The following FMN2 variants were observed in gnomAD, a reference collection of about 807,000 sequenced individuals.
FMN2 encodes the protein formin 2.
Under a neutral mutation model 142.3 loss-of-function variants are expected in FMN2, and 51 were observed. The observed-to-expected ratio is 0.36, with a 90% CI of 0.29 to 0.45. The LOEUF (loss-of-function observed/expected upper bound fraction) is 0.45, where lower values mean the gene tolerates loss of function less well. Ranked by LOEUF, FMN2 falls within the 20% of genes least tolerant of loss-of-function variation. The pLI is 1.00. For missense variants in FMN2, 1,936 were observed against 2,122.8 expected, an observed-to-expected ratio of 0.91 and a Z score of 1.73; for synonymous variants, 882 against 869.8, an observed-to-expected ratio of 1.01 and a Z score of -0.25.
intron 4 of FMN2, among the ~76,000 whole-genome samples, chr1:240,200,207 C>A (rs544468116): frequency 6.6e-6 from 1 of 152,250 alleles, no homozygotes; most frequent in African/African-American, 2.4e-5. Context: ...GGAGGGTGGG[C>A]CCCCCAGAGC....
chr1:240,211,981 C>A (rs1408024697), intron 6 of FMN2, among the ~76,000 whole-genome samples: 1 of 152,172 alleles, frequency 6.6e-6, no homozygotes, highest in East Asian at 1.9e-4. Context: ...CCCGTCTTTA[C>A]CCTGAAATGG....
chr1:240,143,131 C>A, intron 2 of FMN2: 2 of 1,566,554 alleles, frequency 1.3e-6, no homozygotes, highest in Middle Eastern at 1.7e-4. Context: ...TCGTTGGGGT[C>A]CTTGGCATGA....
At chr1:240,181,035 C>T (rs998131218) in intron 3 of FMN2, among the ~76,000 whole-genome samples, 6 of 151,476 alleles carry the variant, frequency 4.0e-5, no homozygotes, top group African/African-American at 1.5e-4. Context: ...TTTGGAGTCT[C>T]ACTCTGTCGC....
chr1:240,190,983 T>C (rs982405049), intron 4 of FMN2, among the ~76,000 whole-genome samples: 1 of 152,192 alleles, frequency 6.6e-6, no homozygotes, highest in African/African-American at 2.4e-5. Context: ...GGCAGTTCTG[T>C]ATCTCTAAAT....
At chr1:240,175,935 T>C (rs1416867812) in intron 2 of FMN2, among the ~76,000 whole-genome samples, 2 of 152,228 alleles carry the variant, frequency 1.3e-5, no homozygotes, top group Non-Finnish European at 2.9e-5. Flanking sequence ...AGGAGTTCTT[T>C]CTATATTCAG....
chr1:240,228,339 GAA>G (rs1250761243), intron 6 of FMN2, among the ~76,000 whole-genome samples: 3 of 47,292 alleles, frequency 6.3e-5, no homozygotes, highest in African/African-American at 3.8e-4. Context: ...AAAAGAAAAA[GAA>G]AAAGAAAAAG....
At chr1:240,120,948 A>C (rs370475225) in intron 1 of FMN2, among the ~76,000 whole-genome samples, 1 of 152,200 alleles carries the variant, frequency 6.6e-6, no homozygotes, top group African/African-American at 2.4e-5. Flanking sequence ...ATTTGAGGTC[A>C]GGAGTTCAAG....
intron 2 of FMN2, among the ~76,000 whole-genome samples, chr1:240,133,332 A>G (rs1465097609): frequency 6.6e-6 from 1 of 152,124 alleles, no homozygotes; most frequent in Non-Finnish European, 1.5e-5. Context: ...ATGACCAGCT[A>G]ATTAAAAAAA....
intron 14 of FMN2, among the ~76,000 whole-genome samples, chr1:240,376,201 T>G (rs1673037035): frequency 2.0e-5 from 3 of 152,126 alleles, no homozygotes. Flanking sequence ...TTAAACCTAA[T>G]TGTGTATTTA....
chr1:240,151,028 A>G (rs1242974158), intron 2 of FMN2, among the ~76,000 whole-genome samples: 2 of 152,194 alleles, frequency 1.3e-5, no homozygotes, highest in Non-Finnish European at 2.9e-5. Context: ...CCATCCTTCT[A>G]TGGGTCTATA....
intron 7 of FMN2, among the ~76,000 whole-genome samples, chr1:240,285,680 C>T (rs560334096): frequency 1.3e-5 from 2 of 152,172 alleles, no homozygotes; most frequent in East Asian, 3.9e-4. Context: ...AAATGTTTAG[C>T]ACGTGTATCG....
intron 2 of FMN2, among the ~76,000 whole-genome samples, chr1:240,177,055 C>T (rs1664948316): frequency 6.6e-6 from 1 of 152,186 alleles, no homozygotes; most frequent in Non-Finnish European, 1.5e-5. Context: ...TACTGTTCTT[C>T]TCTTTGCTTT....
At chr1:240,293,100 G>C (rs746736761) in intron 7 of FMN2, among the ~76,000 whole-genome samples, 15 of 152,160 alleles carry the variant, frequency 9.9e-5, no homozygotes, top group Non-Finnish European at 1.9e-4. Context: ...ATATTCTTTC[G>C]ATCTCATGTA....
chr1:240,307,917 T>A (rs1278500774), intron 8 of FMN2, among the ~76,000 whole-genome samples: 1 of 152,198 alleles, frequency 6.6e-6, no homozygotes, highest in Non-Finnish European at 1.5e-5. Context: ...CTTTCAGCAG[T>A]GTTTTGTAGT....
intron 2 of FMN2, chr1:240,144,995 G>T: frequency 7.7e-7 from 1 of 1,295,458 alleles, no homozygotes; most frequent in South Asian, 1.2e-5. Flanking sequence ...GGCCAAAACA[G>T]AGATGATGTC....
rs776607415 is a variant in FMN2 at position 240,230,028 on chromosome 1, GAA to G, written c.4065+18794_4065+18795del. On this transcript the variant is annotated intron_variant, in intron 6 of 17. Transcript: ENST00000319653. Reference sequence around the variant, plus strand: ...AAACCTTGCTAACCAAAAATTTATAGAAGAGAGGCCGGCGCAGTGGTTCATGC... The same window carrying G: ...AAACCTTGCTAACCAAAAATTTATAGGAGAGGCCGGCGCAGTGGTTCATGC... Among the ~76,000 whole-genome samples, 19 of 131,578 alleles carry G rather than the reference GAA, an allele frequency of 1.4e-4. 3 individuals are homozygous for G. The highest frequency in any genetic ancestry group is 2.2e-4 in the Non-Finnish European group (14 of 62,840). 86.3% of individuals were successfully genotyped at this position (131,578 alleles called of 152,430 possible). A position where few individuals can be genotyped will look rare whatever the true frequency, so the allele number is the denominator to read the frequency against.
intron 2 of FMN2, among the ~76,000 whole-genome samples, chr1:240,152,697 T>C (rs1029599096): frequency 6.6e-6 from 1 of 152,186 alleles, no homozygotes; most frequent in African/African-American, 2.4e-5. Flanking sequence ...AGAATACCAA[T>C]CTATGAAATT....
At chr1:240,465,662 A>T (rs925767355) in intron 16 of FMN2, among the ~76,000 whole-genome samples, 2 of 152,232 alleles carry the variant, frequency 1.3e-5, no homozygotes, top group Non-Finnish European at 2.9e-5. Flanking sequence ...TGCAGCCAGC[A>T]GGAAATGAAA....
chr1:240,343,694 T>G (rs557625189), intron 13 of FMN2, among the ~76,000 whole-genome samples: 1 of 152,258 alleles, frequency 6.6e-6, no homozygotes, highest in East Asian at 1.9e-4. Flanking sequence ...TTTGAATAGA[T>G]GAGCCACCAA....
Sources: allele counts gnomAD v4.1 joint callset (sites outside exome capture counted in the v4.1 genomes callset), GRCh38; gene constraint gnomAD v4.1.1; transcripts MANE v1.5; gene names NCBI Gene and HGNC (gene_info 2026-07-23, HGNC 2026-07-21).